RARB: variants seen among roughly 807,000 people sequenced by gnomAD.
RARB encodes retinoic acid receptor beta, also known as HBV-activated protein.
In RARB, 17 loss-of-function variants were observed where a neutral mutation model predicts 51.9. The observed-to-expected ratio is 0.33, with a 90% CI of 0.22 to 0.49. The LOEUF is 0.49. Among genes scored for constraint, RARB ranks in the 20% least tolerant of loss-of-function variants. The pLI is 0.99. For missense variants in RARB, 369 were observed against 550.8 expected, an observed-to-expected ratio of 0.67 and a Z score of 3.30; for synonymous variants, 215 against 195.4, an observed-to-expected ratio of 1.10 and a Z score of -0.84.
intron 2 of RARB, among the ~76,000 whole-genome samples, chr3:24,894,937 G>A (rs1703448846): frequency 6.6e-6 from 1 of 152,164 alleles, no homozygotes; most frequent in South Asian, 2.1e-4. Context: ...GTCAAAAGAA[G>A]TAATATTTGA....
chr3:25,047,167 C>T (rs150910947), intron 2 of RARB, among the ~76,000 whole-genome samples: 54 of 152,104 alleles, frequency 3.6e-4, no homozygotes, highest in African/African-American at 1.3e-3. Context: ...AGAAAAGAGC[C>T]CAGGAGTTAT....
intron 2 of RARB, among the ~76,000 whole-genome samples, chr3:25,055,771 G>T (rs191154092): frequency 2.0e-5 from 3 of 151,974 alleles, no homozygotes; most frequent in African/African-American, 7.2e-5. Context: ...GGCATACCCC[G>T]GAATCATCAC....
chr3:25,499,707 G>C (rs532729784), intron 2 of RARB, among the ~76,000 whole-genome samples: 17 of 152,148 alleles, frequency 1.1e-4, no homozygotes, highest in Admixed American at 3.9e-4. Context: ...ATTGATGAAG[G>C]GAATAGTAGG....
intron 5 of RARB, among the ~76,000 whole-genome samples, chr3:25,242,825 T>A (rs933864814): frequency 1.3e-5 from 2 of 152,290 alleles, no homozygotes; most frequent in East Asian, 3.9e-4. Flanking sequence ...TTTAAAGAAG[T>A]TTTTTCCAAT....
intron 5 of RARB, among the ~76,000 whole-genome samples, chr3:25,420,039 G>GA (rs143371783): frequency 0.014 from 2,139 of 152,188 alleles, 59 homozygotes; most frequent in African/African-American, 0.049. Flanking sequence ...AAAGAAGAGA[G>GA]AAAAACTATT....
intron 5 of RARB, among the ~76,000 whole-genome samples, chr3:25,421,402 T>C (rs1404104367): frequency 1.4e-5 from 2 of 145,610 alleles, no homozygotes; most frequent in Non-Finnish European, 3.0e-5. Flanking sequence ...TTTCTTCTTT[T>C]CTTTTTTTTT....
At chr3:25,110,330 G>T (rs754814826) in intron 3 of RARB, among the ~76,000 whole-genome samples, 1 of 152,190 alleles carries the variant, frequency 6.6e-6, no homozygotes, top group Non-Finnish European at 1.5e-5. Context: ...GCATGCATAT[G>T]TGTTATCTCA....
At chr3:25,062,433 TTTAA>T (rs1698568810) in intron 3 of RARB, among the ~76,000 whole-genome samples, 1 of 151,908 alleles carries the variant, frequency 6.6e-6, no homozygotes, top group Non-Finnish European at 1.5e-5. Flanking sequence ...CTATTAAAAC[TTTAA>T]TTATAGACAT....
At chr3:25,157,082 G>A (rs1470492226) in intron 4 of RARB, among the ~76,000 whole-genome samples, 6 of 152,206 alleles carry the variant, frequency 3.9e-5, no homozygotes, top group East Asian at 1.9e-4. Flanking sequence ...AAGGATGTAT[G>A]TATGTGTATG....
chr3:25,352,223 T>C (rs1705595041), intron 5 of RARB: 1 of 152,234 alleles, frequency 6.6e-6, no homozygotes, highest in South Asian at 2.1e-4. Flanking sequence ...CTCTCTCTCT[T>C]CACCTGAATC....
At chr3:25,059,675 T>A (rs924649657) in intron 2 of RARB, among the ~76,000 whole-genome samples, 10 of 151,778 alleles carry the variant, frequency 6.6e-5, no homozygotes, top group Non-Finnish European at 1.3e-4. Flanking sequence ...TTCAAGGTGA[T>A]GCTGTTTACA....
chr3:25,034,533 G>A (rs911995462), intron 2 of RARB, among the ~76,000 whole-genome samples: 2 of 152,220 alleles, frequency 1.3e-5, no homozygotes, highest in Non-Finnish European at 2.9e-5. Flanking sequence ...TAATAGCTCA[G>A]TGTTACAAAA....
chr3:25,544,534 T>G (rs1271658935), intron 3 of RARB, among the ~76,000 whole-genome samples: 1 of 152,236 alleles, frequency 6.6e-6, no homozygotes, highest in Non-Finnish European at 1.5e-5. Context: ...TGCCCTGTGT[T>G]GCTTGTCAGA....
At chr3:24,988,063 G>A (rs1027618575) in intron 2 of RARB, among the ~76,000 whole-genome samples, 6 of 151,902 alleles carry the variant, frequency 3.9e-5, no homozygotes, top group Non-Finnish European at 8.8e-5. Flanking sequence ...TGAACACATG[G>A]TTGAAACGCT....
intron 2 of RARB, among the ~76,000 whole-genome samples, chr3:25,500,836 C>T (rs775083785): frequency 1.2e-4 from 19 of 152,056 alleles, no homozygotes; most frequent in Non-Finnish European, 2.2e-4. Flanking sequence ...GTAGTGCGCT[C>T]ATCTGAAATT....
At chr3:25,302,480 A>T (rs1017958915) in intron 5 of RARB, among the ~76,000 whole-genome samples, 6 of 152,242 alleles carry the variant, frequency 3.9e-5, no homozygotes, top group African/African-American at 1.4e-4. Context: ...CCCTGAATAC[A>T]TTATGCTGAG....
At chr3:25,396,712 G>A (rs955919987) in intron 5 of RARB, among the ~76,000 whole-genome samples, 1 of 152,072 alleles carries the variant, frequency 6.6e-6, no homozygotes, top group Non-Finnish European at 1.5e-5. Context: ...GTTTGCTGTG[G>A]CGCTGTGGAG....
At chr3:25,068,087 T>C (rs1049345729) in intron 3 of RARB, among the ~76,000 whole-genome samples, 2 of 123,524 alleles carry the variant, frequency 1.6e-5, no homozygotes, top group Non-Finnish European at 1.6e-5. Flanking sequence ...TGAGACGAGA[T>C]TGCACCATCG....
intron 5 of RARB, among the ~76,000 whole-genome samples, chr3:25,343,024 TTGTGTGTGTGTGTGTGTGTGTG>T (rs6147737): frequency 1.3e-4 from 17 of 132,158 alleles, no homozygotes; most frequent in African/African-American, 3.3e-4. Context: ...TGCAAGTACT[TTGTGTGTGTGTGTGTGTGTGTG>T]TGTGTGTGTG....
Sources: allele counts gnomAD v4.1 joint callset (sites outside exome capture counted in the v4.1 genomes callset), GRCh38; gene constraint gnomAD v4.1.1; transcripts MANE v1.5; gene names NCBI Gene and HGNC (gene_info 2026-07-23, HGNC 2026-07-21).